MACC1: variants seen among roughly 807,000 people sequenced by gnomAD.
MACC1 encodes the protein metastasis-associated in colon cancer protein 1.
In MACC1, 79 loss-of-function variants were observed where a neutral mutation model predicts 70.7. The observed-to-expected ratio is 1.12, with a 90% CI of 0.93 to 1.35. MACC1 has a LOEUF of 1.35. Ranked by LOEUF, MACC1 falls within the 40% of genes most tolerant of loss-of-function variation. The probability of loss-of-function intolerance (pLI) is 0.00; values close to 1 mark genes in which losing one functional copy is unlikely to be tolerated. For synonymous variants in MACC1, 361 were observed against 347.2 expected, an observed-to-expected ratio of 1.04 and a Z score of -0.44; for missense variants, 1,106 against 978.1, an observed-to-expected ratio of 1.13 and a Z score of -1.74.
In MACC1 at chr7:20,138,616, CA is replaced by C. The variant is rs1781751943; in HGVS notation, c.*2329del. 1 of 151,620 alleles carries C rather than the reference CA, an allele frequency of 6.6e-6. No homozygotes were observed. Among genetic ancestry groups the C allele is most frequent in the African/African-American group, 2.4e-5 (1 of 41,286 alleles). 9.4% of individuals were successfully genotyped at this position (151,620 alleles called of 1,614,324 possible). Reference sequence around the variant, plus strand: ...TAAATTCTGTCCTTGAATGTGTATACATAATTATTTGGTCAGGCTGTGTTCC... The same window carrying C: ...TAAATTCTGTCCTTGAATGTGTATACTAATTATTTGGTCAGGCTGTGTTCC... On this transcript the variant is annotated 3_prime_UTR_variant, in exon 7 of 7. Coordinates refer to ENST00000400331, the MANE Select transcript of MACC1 (RefSeq NM_182762.4).
At chr7:20,161,720 A>G in intron 4 of MACC1, 28 bp downstream of exon 4, 1 of 1,389,738 alleles carries the variant, frequency 7.2e-7, no homozygotes, top group South Asian at 1.2e-5. Context: ...TTACATGGAC[A>G]AATCACAACA....
rs150704873 is a variant in MACC1 at position 20,173,190 on chromosome 7, A to G, written c.-217-2412T>C. ...TGGGAGATAAATTGAGAGCCACCAA[A>G]TCATAATTATGAGGTGATAATATAC... On this transcript the variant is annotated intron_variant, in intron 1 of 6. Coordinates refer to ENST00000400331, the MANE Select transcript of MACC1 (RefSeq NM_182762.4). Among the ~76,000 whole-genome samples, 47 of 152,334 alleles carry G rather than the reference A, an allele frequency of 3.1e-4. 3 individuals carry two copies. The highest frequency in any genetic ancestry group is 1.0e-3 in the African/African-American group (43 of 41,576).
At chr7:20,146,846 C>T (rs1781899002) in intron 6 of MACC1, among the ~76,000 whole-genome samples, 1 of 152,148 alleles carries the variant, frequency 6.6e-6, no homozygotes, top group Non-Finnish European at 1.5e-5. Flanking sequence ...ATATTTAATA[C>T]ATAGGCTGCA....
intron 1 of MACC1, among the ~76,000 whole-genome samples, chr7:20,182,110 G>A (rs969256684): frequency 2.1e-5 from 3 of 143,878 alleles, no homozygotes; most frequent in African/African-American, 7.8e-5. Flanking sequence ...CAAACACCAC[G>A]TGTTCTCACT....
chr7:20,157,128 G>A (rs1238168781), intron 5 of MACC1, among the ~76,000 whole-genome samples: 8 of 152,082 alleles, frequency 5.3e-5, no homozygotes, highest in Non-Finnish European at 7.4e-5. Flanking sequence ...TGGTTTCTTC[G>A]ACCTATAAGA....
chr7:20,154,492 A>G, intron 5 of MACC1, 111 bp from the exon 6 acceptor site: 2 of 1,093,804 alleles, frequency 1.8e-6, no homozygotes, highest in Non-Finnish European at 2.6e-6. Context: ...TTTTTTCACT[A>G]CACGTATAAT....
intron 1 of MACC1, among the ~76,000 whole-genome samples, chr7:20,190,518 T>C (rs1782656922): frequency 6.6e-6 from 1 of 152,200 alleles, no homozygotes; most frequent in Non-Finnish European, 1.5e-5. Context: ...GCATAGCAAA[T>C]AAACATTTCT....
At chr7:20,191,463 C>T (rs1477506776) in intron 1 of MACC1, among the ~76,000 whole-genome samples, 1 of 138,460 alleles carries the variant, frequency 7.2e-6, no homozygotes, top group Non-Finnish European at 1.5e-5. Flanking sequence ...ACGTAGCTGG[C>T]GTTGGAACTG....
At chr7:20,172,851 G>A (rs1782329776) in intron 1 of MACC1, among the ~76,000 whole-genome samples, 1 of 152,168 alleles carries the variant, frequency 6.6e-6, no homozygotes, top group Non-Finnish European at 1.5e-5. Flanking sequence ...CTGAGAGCCT[G>A]TGCTGCTCTG....
chr7:20,135,835 C>T lies in MACC1; in HGVS notation c.*5111G>A, dbSNP rs1781711805. 6.6e-6 allele frequency: 1 copy of T among 152,004 alleles called. No individual in the cohort carries two copies. Among genetic ancestry groups the T allele is most frequent in the Admixed American group, 6.6e-5 (1 of 15,264 alleles). The allele number at this position is 152,004 out of a possible 1,614,324, so 9.4% of individuals were successfully genotyped here. A position where few individuals can be genotyped will look rare whatever the true frequency, so the allele number is the denominator to read the frequency against. On this transcript the variant is annotated 3_prime_UTR_variant, in exon 7 of 7. Transcript: ENST00000400331. The stretch of plus-strand genomic sequence containing the variant: ...TTTGTTTTAAACAGCTGGAAGTCAC[C>T]AATTGTTCAAAAACAGTGTGTATTA...
chr7:20,158,194 C>A lies in MACC1; in HGVS notation c.2157+10G>T. The A allele has an allele frequency of 6.5e-7, 1 of 1,546,346 alleles. No individual in the cohort carries two copies. The highest frequency in any genetic ancestry group is 8.7e-7 in the Non-Finnish European group (1 of 1,154,778). ...ATGGCAATTCATTACCATGATCAAG[C>A]AATACTCACCACAATAAGTTCATAC... On this transcript the variant is annotated intron_variant, in intron 5 of 6. Transcript: ENST00000400331.
At chr7:20,166,297 C>T (rs1562588826) in intron 2 of MACC1, among the ~76,000 whole-genome samples, 1 of 152,132 alleles carries the variant, frequency 6.6e-6, no homozygotes, top group African/African-American at 2.4e-5. Flanking sequence ...CTTCACCTGC[C>T]AAATGCCAAA....
At chr7:20,199,199 C>T (rs1379634122) in intron 1 of MACC1, among the ~76,000 whole-genome samples, 1 of 152,164 alleles carries the variant, frequency 6.6e-6, no homozygotes, top group Non-Finnish European at 1.5e-5. Context: ...GAAATTGAGA[C>T]AGACACAGAT....
chr7:20,214,983 T>A (rs1783048037), intron 1 of MACC1, among the ~76,000 whole-genome samples: 1 of 152,188 alleles, frequency 6.6e-6, no homozygotes, highest in Non-Finnish European at 1.5e-5. Flanking sequence ...CAGGGCACTG[T>A]GACTGCCCCT....
chr7:20,170,290 TA>T (rs1309723616), intron 2 of MACC1: 1 of 152,232 alleles, frequency 6.6e-6, no homozygotes, highest in Non-Finnish European at 1.5e-5. Flanking sequence ...AAAGCTTTTT[TA>T]AAAAATTGTT....
chr7:20,146,084 C>T (rs1472098529), intron 6 of MACC1, among the ~76,000 whole-genome samples: 2 of 151,556 alleles, frequency 1.3e-5, no homozygotes, highest in Non-Finnish European at 2.9e-5. Flanking sequence ...TCGCTTGAAC[C>T]CAGGTGGCAG....
At chr7:20,196,872 G>T (rs756676266) in intron 1 of MACC1, among the ~76,000 whole-genome samples, 5 of 152,062 alleles carry the variant, frequency 3.3e-5, no homozygotes, top group Non-Finnish European at 5.9e-5. Flanking sequence ...ACTTCACCTC[G>T]CAGCCACTCA....
chr7:20,172,625 T>G (rs1418961679), intron 1 of MACC1, among the ~76,000 whole-genome samples: 3 of 152,170 alleles, frequency 2.0e-5, no homozygotes, highest in Non-Finnish European at 4.4e-5. Flanking sequence ...AAATACAAAA[T>G]AAAATACAAA....
At chr7:20,198,223 C>G (rs1782783677) in intron 1 of MACC1, among the ~76,000 whole-genome samples, 1 of 152,126 alleles carries the variant, frequency 6.6e-6, no homozygotes, top group Non-Finnish European at 1.5e-5. Flanking sequence ...AAACCATTAC[C>G]AAAGAGATAT....
Sources: allele counts gnomAD v4.1 joint callset (sites outside exome capture counted in the v4.1 genomes callset), GRCh38; gene constraint gnomAD v4.1.1; transcripts MANE v1.5; gene names NCBI Gene and HGNC (gene_info 2026-07-23, HGNC 2026-07-21).